The following DIDO1 variants were observed in gnomAD, a reference collection of about 807,000 sequenced individuals.
DIDO1 encodes death inducer-obliterator 1, also known as death-inducer obliterator 1.
Under a neutral mutation model 99.4 loss-of-function variants are expected in DIDO1, and 16 were observed. The observed-to-expected ratio is 0.16, with a 90% confidence interval of 0.11 to 0.24. The LOEUF (loss-of-function observed/expected upper bound fraction) is 0.24, where lower values mean the gene tolerates loss of function less well. Among genes scored for constraint, DIDO1 ranks in the 10% least tolerant of loss-of-function variants. The pLI, the probability that DIDO1 is intolerant of heterozygous loss-of-function variation, is 1.00. For missense variants in DIDO1, 2,996 were observed against 3,014.0 expected (o/e 0.99, Z 0.14); for synonymous variants, 1,366 against 1,239.1 (o/e 1.10, Z -2.15).
At chr20:62,913,383 GCTTC>G (rs1352857080) in intron 2 of DIDO1, among the ~76,000 whole-genome samples, 3 of 152,054 alleles carry the variant, frequency 2.0e-5, no homozygotes, top group Non-Finnish European at 4.4e-5. Context: ...AGAAAGGGGG[GCTTC>G]CTTCACCAGC....
intron 2 of DIDO1, among the ~76,000 whole-genome samples, chr20:62,912,429 C>CT (rs200953791): frequency 0.014 from 1,965 of 143,410 alleles, 17 homozygotes; most frequent in South Asian, 0.025. Context: ...AGGTATATTT[C>CT]TTTTTTTTTT....
At chr20:62,913,481 T>C (rs1423379024) in intron 2 of DIDO1, among the ~76,000 whole-genome samples, 1 of 152,268 alleles carries the variant, frequency 6.6e-6, no homozygotes, top group Non-Finnish European at 1.5e-5. Flanking sequence ...AAGCAGAGAA[T>C]GCTGCTTACA....
At chr20:62,890,231 C>T (rs1296614106) in intron 15 of DIDO1, 5 of 985,870 alleles carry the variant, frequency 5.1e-6, no homozygotes, top group Admixed American at 6.1e-5. Context: ...TGCATGGCCA[C>T]GGAGACACTT....
chr20:62,926,511 G>A (rs1601044594), upstream of DIDO1: 1 of 151,888 alleles, frequency 6.6e-6, no homozygotes, highest in South Asian at 2.1e-4. Flanking sequence ...GAGATGGCGC[G>A]GGGCTAGAGC....
In DIDO1 at chr20:62,879,618, C is replaced by T; in HGVS notation, c.6338G>A (p.Arg2113Lys). ...TCGGCCGCGCTCGCGCTCTCTCCTCCTGTCCTCGGACGCCCGGCCCTGGGC... is the reference window on the plus strand; with the variant it reads ...TCGGCCGCGCTCGCGCTCTCTCCTCTTGTCCTCGGACGCCCGGCCCTGGGC... ...PDAQGRASED[R>K]RRERERGRNW... The change falls in exon 16 of 16, where the codon AGG becomes AAG. Residue 2113 changes from arginine (R) to lysine (K), a missense_variant. By Grantham distance (26) the Arg-to-Lys change is conservative. Around this residue, in one of 5 missense-constraint regions of DIDO1, gnomAD observed 1,562 missense variants for 1,412.6 expected, o/e 1.11. Transcript: ENST00000395343. This position sits in a 1 kb window ranked among gnomAD's most constrained non-coding sequence, Gnocchi z 6.3. The T allele has an allele frequency of 6.2e-7, 1 of 1,605,110 alleles. No homozygotes were observed. Among genetic ancestry groups the T allele is most frequent in the Non-Finnish European group, 8.5e-7 (1 of 1,179,748 alleles).
intron 15 of DIDO1, chr20:62,887,753 G>C: frequency 1.0e-6 from 1 of 985,538 alleles, no homozygotes; most frequent in Non-Finnish European, 1.2e-6. Context: ...ACAAGGCCCT[G>C]AGACAGGCCG....
intron 6 of DIDO1, 118 bp downstream of exon 6, chr20:62,905,769 C>T (rs115579311): frequency 8.0e-4 from 1,283 of 1,609,314 alleles, no homozygotes; most frequent in African/African-American, 1.3e-3. Flanking sequence ...ATGGTGCAGC[C>T]GGTGTCTGTG....
At chr20:62,936,882 G>A (rs554359072) in intron 1 of DIDO1, among the ~76,000 whole-genome samples, 9 of 152,342 alleles carry the variant, frequency 5.9e-5, no homozygotes, top group East Asian at 1.9e-4. Flanking sequence ...ACTAAATAAA[G>A]ACCAATAACT....
At position 62,911,041 on chromosome 20, in the gene DIDO1, T is replaced by C; in HGVS notation, c.572A>G (p.Lys191Arg). 2 of 1,613,684 alleles carry C rather than the reference T, an allele frequency of 1.2e-6. No individual in the cohort carries two copies. The highest frequency in any genetic ancestry group is 1.7e-6 in the Non-Finnish European group (2 of 1,180,006). The change falls in exon 3 of 16, where the codon AAG (lysine) becomes AGG (arginine). Residue 191 changes from lysine to arginine, a missense_variant. This residue lies in a region of DIDO1 where 388 missense variants were observed against 376.6 expected (regional missense o/e 1.03). Transcript: ENST00000395343. This position sits in a 1 kb window ranked among gnomAD's most constrained non-coding sequence, Gnocchi z 7.0. ...LKGIQSRLRKKRREEGPAETV... is the reference protein window; with the variant it reads ...LKGIQSRLRKRRREEGPAETV... ...CTCGGCGGGACCCTCCTCCCGGCGCTTCTTCCGCAGGCGACTCTGGATCCC... is the reference window on the plus strand; with the variant it reads ...CTCGGCGGGACCCTCCTCCCGGCGCCTCTTCCGCAGGCGACTCTGGATCCC...
chr20:62,888,338 G>A, intron 15 of DIDO1: 1 of 985,532 alleles, frequency 1.0e-6, no homozygotes. Flanking sequence ...ATCCCCAGGG[G>A]AAGATGCTCC....
intron 1 of DIDO1, among the ~76,000 whole-genome samples, chr20:62,919,561 A>G (rs1185092912): frequency 6.6e-6 from 1 of 152,046 alleles, no homozygotes; most frequent in Non-Finnish European, 1.5e-5. Flanking sequence ...AAAAAAAAGC[A>G]GCAAGGGTGC....
Position 62,878,944 on chromosome 20 carries a change from A to G in DIDO1, c.*289T>C, listed in dbSNP as rs1326916307. On this transcript the variant is annotated 3_prime_UTR_variant, in exon 16 of 16. Coordinates refer to ENST00000395343, the MANE Select transcript of DIDO1 (RefSeq NM_001193369.2). ...CCAACGAAACTCCCTTAAAATTTAC[A>G]ATAAAGTTATTGGAAAAGATAACTA... 3.1e-6 allele frequency: 1 copy of G among 319,112 alleles called. No individual in the cohort carries two copies. The highest frequency in any genetic ancestry group is 5.4e-5 in the East Asian group (1 of 18,360). The allele number at this position is 319,112 out of a possible 1,614,324, so 19.8% of individuals were successfully genotyped here.
At chr20:62,901,502 T>C (rs2064679883) in intron 6 of DIDO1, among the ~76,000 whole-genome samples, 1 of 152,114 alleles carries the variant, frequency 6.6e-6, no homozygotes, top group Non-Finnish European at 1.5e-5. Flanking sequence ...TTAACCTTTA[T>C]CTAAGTTGTT....
At chr20:62,891,237 G>A in intron 14 of DIDO1, 82 bp from the exon 15 acceptor site, 1 of 1,586,058 alleles carries the variant, frequency 6.3e-7, no homozygotes, top group Non-Finnish European at 8.6e-7. Flanking sequence ...GCTTTCAACA[G>A]GAAACCTTGT....
At chr20:62,932,218 C>T (rs892306397) in intron 1 of DIDO1, among the ~76,000 whole-genome samples, 2 of 152,204 alleles carry the variant, frequency 1.3e-5, no homozygotes, top group African/African-American at 4.8e-5. Context: ...TAGGGCCAGG[C>T]ACGGTGGCTC....
At chr20:62,886,103 G>A (rs1049866598) in intron 15 of DIDO1, among the ~76,000 whole-genome samples, 2 of 152,240 alleles carry the variant, frequency 1.3e-5, no homozygotes, top group East Asian at 1.9e-4. Flanking sequence ...CACAGGGCAC[G>A]GTAGGCTTAC....
At position 62,881,933 on chromosome 20, in the gene DIDO1, A is replaced by T. The variant is rs776654184; in HGVS notation, c.4023T>A (p.Gly1341=). The change falls in exon 16 of 16, where the codon GGT becomes GGA. Residue 1341 remains glycine, a synonymous_variant. Coordinates refer to ENST00000395343, the MANE Select transcript of DIDO1 (RefSeq NM_001193369.2). The surrounding 1 kb of genome is among the most constrained non-coding windows in gnomAD (Gnocchi z 8.3). ...CTGTGGTTTTGGGCTCCTGGGGGAG[A>T]CCTGCGGTGGACCCGGGAGGCTCTC... ...SAREPPGSTA[G]LPQEPKTTAE... is the part of the protein sequence containing the mutation. 1 of 1,613,110 alleles carries T rather than the reference A, an allele frequency of 6.2e-7. No homozygotes were observed. Among genetic ancestry groups the T allele is most frequent in the Non-Finnish European group, 8.5e-7 (1 of 1,179,984 alleles).
Position 62,894,644 on chromosome 20 carries a change from A to G in DIDO1, c.2437-96T>C. On this transcript the variant is annotated intron_variant, in intron 10 of 15. Coordinates refer to ENST00000395343, the MANE Select transcript of DIDO1 (RefSeq NM_001193369.2). This position sits in a 1 kb window ranked among gnomAD's most constrained non-coding sequence, Gnocchi z 4.4. The stretch of plus-strand genomic sequence containing the variant: ...AGAAAAGCAGTCTCATGGGATTGAG[A>G]CCCACGGGGGAGAAAAAAGGACCAT... The G allele has an allele frequency of 6.6e-7, 1 of 1,508,194 alleles. No homozygotes were observed. Among genetic ancestry groups the G allele is most frequent in the Non-Finnish European group, 8.9e-7 (1 of 1,125,632 alleles). 93.4% of individuals were successfully genotyped at this position (1,508,194 alleles called of 1,614,324 possible).
chr20:62,906,229 G>T (rs1253940432), intron 5 of DIDO1, 129 bp from the exon 6 acceptor site: 1 of 1,234,310 alleles, frequency 8.1e-7, no homozygotes, highest in Non-Finnish European at 1.1e-6. Context: ...CACCCATCCT[G>T]CGCCTGCTTG....
Sources: allele counts gnomAD v4.1 joint callset (sites outside exome capture counted in the v4.1 genomes callset), GRCh38; gene constraint gnomAD v4.1.1; regional missense constraint gnomAD v4.1.1; non-coding constraint Gnocchi (gnomAD v3.1); transcripts MANE v1.5; gene names NCBI Gene and HGNC (gene_info 2026-07-23, HGNC 2026-07-21).